DDX10: variants seen among roughly 807,000 people sequenced by gnomAD.
DDX10 encodes probable ATP-dependent RNA helicase DDX10.
Under a neutral mutation model 104.3 loss-of-function variants are expected in DDX10, and 74 were observed. The observed-to-expected ratio is 0.71, with a 90% confidence interval of 0.59 to 0.86. The LOEUF is 0.86. Among genes scored for constraint, DDX10 ranks in the 40% least tolerant of loss-of-function variants. The probability of loss-of-function intolerance (pLI) is 0.00; values close to 1 mark genes in which losing one functional copy is unlikely to be tolerated. For missense variants in DDX10, 952 were observed against 1,040.0 expected, an observed-to-expected ratio of 0.92 and a Z score of 1.16; for synonymous variants, 351 against 353.4, an observed-to-expected ratio of 0.99 and a Z score of 0.08.
At chr11:108,670,795 C>G (rs2094215954) in intron 1 of DDX10, among the ~76,000 whole-genome samples, 1 of 149,260 alleles carries the variant, frequency 6.7e-6, no homozygotes, top group Non-Finnish European at 1.5e-5. Flanking sequence ...GCATTCAAAT[C>G]CTGATTTTTT....
chr11:108,757,800 T>C (rs2615750), intron 13 of DDX10, among the ~76,000 whole-genome samples: 151,083 of 152,104 alleles, frequency 0.99, 75,044 homozygotes, highest in Middle Eastern at 1. Flanking sequence ...ATTTTCTTAC[T>C]GTCTGTCAAT....
chr11:108,937,000 G>A (rs1864044763), intron 17 of DDX10, among the ~76,000 whole-genome samples: 1 of 152,164 alleles, frequency 6.6e-6, no homozygotes, highest in Admixed American at 6.5e-5. Context: ...AATCTTAGGT[G>A]CAAAATGACT....
intron 13 of DDX10, among the ~76,000 whole-genome samples, chr11:108,758,043 C>T (rs1209387204): frequency 3.9e-5 from 6 of 151,966 alleles, no homozygotes; most frequent in South Asian, 2.1e-4. Context: ...TCTTCTTTTA[C>T]GCCATAGTGG....
intron 13 of DDX10, among the ~76,000 whole-genome samples, chr11:108,789,727 A>AAC (rs1861844803): frequency 6.6e-6 from 1 of 152,200 alleles, no homozygotes; most frequent in South Asian, 2.1e-4. Context: ...GGTAACAGAA[A>AAC]ACACGACCAT....
intron 7 of DDX10, among the ~76,000 whole-genome samples, chr11:108,689,352 A>C (rs1410514521): frequency 6.6e-6 from 1 of 152,214 alleles, no homozygotes; most frequent in African/African-American, 2.4e-5. Context: ...AGAGGTCTTT[A>C]TAATCTGATA....
intron 16 of DDX10, among the ~76,000 whole-genome samples, chr11:108,917,018 T>G (rs905970083): frequency 6.6e-6 from 1 of 152,026 alleles, no homozygotes; most frequent in African/African-American, 2.4e-5. Flanking sequence ...TGCATTTGAA[T>G]TTAGAAGACC....
chr11:108,735,011 T>G (rs1298466338), intron 13 of DDX10, among the ~76,000 whole-genome samples: 1 of 152,232 alleles, frequency 6.6e-6, no homozygotes, highest in Non-Finnish European at 1.5e-5. Context: ...GGACTGTCTT[T>G]GTGATGGCAC....
In DDX10 at chr11:108,723,352, G is replaced by C; in HGVS notation, c.1855G>C (p.Val619Leu). ...NTSEAQKIKE[V>L]PTQFLDRDEE... is the part of the protein sequence containing the mutation. ...CAGTGAGGCACAGAAGATCAAGGAA[G>C]TTCCTACACAGTTCTTGGACAGAGA... The change falls in exon 13 of 18, where the codon GTT becomes CTT. Residue 619 changes from valine to leucine, a missense_variant. By Grantham distance (32) the Val-to-Leu change is conservative (BLOSUM62 1). Around this residue, in one of 3 missense-constraint regions of DDX10, gnomAD observed 533 missense variants for 534.1 expected, o/e 1.00. Transcript: ENST00000322536. The C allele has an allele frequency of 6.2e-7, 1 of 1,614,000 alleles. No homozygotes were observed.
intron 9 of DDX10, among the ~76,000 whole-genome samples, chr11:108,705,782 A>G (rs550799462): frequency 6.6e-6 from 1 of 152,260 alleles, no homozygotes; most frequent in African/African-American, 2.4e-5. Context: ...TACTGCTTGT[A>G]TGTAATGGCT....
At chr11:108,740,821 C>T (rs570384584) in intron 13 of DDX10, among the ~76,000 whole-genome samples, 55 of 152,008 alleles carry the variant, frequency 3.6e-4, no homozygotes, top group Non-Finnish European at 7.5e-4. Flanking sequence ...CACTTTGTAA[C>T]GGAGTTGATT....
At chr11:108,858,830 T>G (rs1862904396) in intron 16 of DDX10, among the ~76,000 whole-genome samples, 1 of 152,186 alleles carries the variant, frequency 6.6e-6, no homozygotes. Context: ...TGTATGGTAC[T>G]GTATGGGTGG....
chr11:108,698,016 T>C (rs2094262292), intron 9 of DDX10, among the ~76,000 whole-genome samples: 2 of 152,322 alleles, frequency 1.3e-5, no homozygotes, highest in Admixed American at 6.5e-5. Flanking sequence ...TTTGTGGCGC[T>C]CAGAAATTCT....
intron 13 of DDX10, among the ~76,000 whole-genome samples, chr11:108,776,239 C>CT (rs2094369735): frequency 6.6e-6 from 1 of 152,288 alleles, no homozygotes; most frequent in Admixed American, 6.5e-5. Context: ...GCTAAAATCT[C>CT]TTTTCTGTTC....
intron 16 of DDX10, among the ~76,000 whole-genome samples, chr11:108,853,915 C>T (rs980999302): frequency 6.6e-6 from 1 of 152,204 alleles, no homozygotes; most frequent in African/African-American, 2.4e-5. Flanking sequence ...CTTTGCAGCT[C>T]AGCCAGGAGC....
At chr11:108,775,144 T>C (rs2094368253) in intron 13 of DDX10, among the ~76,000 whole-genome samples, 1 of 152,174 alleles carries the variant, frequency 6.6e-6, no homozygotes, top group South Asian at 2.1e-4. Context: ...CTGAAAGAAG[T>C]GAAATAAATG....
intron 17 of DDX10, chr11:108,921,597 T>C (rs758124763): frequency 2.6e-5 from 4 of 152,268 alleles, no homozygotes; most frequent in Non-Finnish European, 5.9e-5. Context: ...GGTTATTCTC[T>C]GGCTATACAC....
At chr11:108,676,426 A>G (rs1335329405) in intron 3 of DDX10, among the ~76,000 whole-genome samples, 1 of 152,076 alleles carries the variant, frequency 6.6e-6, no homozygotes, top group Non-Finnish European at 1.5e-5. Context: ...CAGCAGCTAC[A>G]TGGGTGAAAG....
chr11:108,772,746 C>T (rs528659061), intron 13 of DDX10, among the ~76,000 whole-genome samples: 6 of 152,178 alleles, frequency 3.9e-5, no homozygotes, highest in South Asian at 2.1e-4. Flanking sequence ...ATATCAGCAG[C>T]GGCATTAGAT....
At chr11:108,731,597 C>G (rs903142994) in intron 13 of DDX10, among the ~76,000 whole-genome samples, 3 of 150,486 alleles carry the variant, frequency 2.0e-5, no homozygotes, top group African/African-American at 7.3e-5. Flanking sequence ...GCTGCAGCCT[C>G]GACCTTATGG....
Sources: allele counts gnomAD v4.1 joint callset (sites outside exome capture counted in the v4.1 genomes callset), GRCh38; gene constraint gnomAD v4.1.1; regional missense constraint gnomAD v4.1.1; transcripts MANE v1.5; gene names NCBI Gene and HGNC (gene_info 2026-07-23, HGNC 2026-07-21).